NAV1: variants seen among roughly 807,000 people sequenced by gnomAD.
NAV1 encodes the protein neuron navigator 1.
In NAV1, 18 loss-of-function variants were observed where a neutral mutation model predicts 175.2. That is an observed-to-expected ratio of 0.10 (90% CI 0.07 to 0.15). NAV1 has a LOEUF of 0.15. Ranked by LOEUF, NAV1 falls within the 10% of genes least tolerant of loss-of-function variation. The pLI is 1.00. For synonymous variants in NAV1, 897 were observed against 978.7 expected (o/e 0.92, Z 1.56); for missense variants, 1,731 against 2,436.6 (o/e 0.71, Z 6.10).
At chr1:201,735,911 A>G (rs1260329885) in intron 3 of NAV1, among the ~76,000 whole-genome samples, 1 of 152,166 alleles carries the variant, frequency 6.6e-6, no homozygotes, top group Admixed American at 6.5e-5. Flanking sequence ...CAGTATGGAA[A>G]GGGTTAATTC....
At chr1:201,607,107 ATTTTTTTCTTT>A (rs1265005633) in intron 2 of NAV1, among the ~76,000 whole-genome samples, 1 of 144,198 alleles carries the variant, frequency 6.9e-6, no homozygotes, top group African/African-American at 2.6e-5. Context: ...TGGTCAAATA[ATTTTTTTCTTT>A]TTTTTTTTTT....
At chr1:201,761,639 G>T (rs2013468) in intron 3 of NAV1, among the ~76,000 whole-genome samples, 1 of 152,098 alleles carries the variant, frequency 6.6e-6, no homozygotes, top group Admixed American at 6.5e-5. Context: ...GGCCATATAC[G>T]TTCTATATCA....
chr1:201,702,263 G>T lies in NAV1; in HGVS notation c.758-10554G>T, dbSNP rs181784306. 2.0e-4 allele frequency among the ~76,000 whole-genome samples: 31 copies of T among 152,294 alleles called. No individual in the cohort carries two copies. The East Asian group carries it at 5.6e-3, about 27-fold the overall frequency. On this transcript the variant is annotated intron_variant, in intron 1 of 29. Coordinates refer to ENST00000367296, the Ensembl canonical transcript of NAV1. The stretch of plus-strand genomic sequence containing the variant: ...GGGAGTGACTGCTAATGGCCACAGG[G>T]CTTCTTATTGGAATGATAAAAATAG...
intron 16 of NAV1, 40 bp from the exon 21 acceptor site, chr1:201,804,449 T>C (rs1477410359): frequency 2.6e-6 from 4 of 1,534,280 alleles, no homozygotes; most frequent in Non-Finnish European, 3.5e-6. Flanking sequence ...TTTTTTTTTT[T>C]CCTTCAAAAT....
chr1:201,702,729 T>C (rs1041062064), intron 1 of NAV1, among the ~76,000 whole-genome samples: 21 of 132,406 alleles, frequency 1.6e-4, no homozygotes, highest in East Asian at 4.6e-4. Context: ...TCTCTCTCTC[T>C]CTCCCCATTC....
intron 2 of NAV1, among the ~76,000 whole-genome samples, chr1:201,642,382 TTTTGTTTG>T (rs916524922): frequency 2.0e-5 from 3 of 151,562 alleles, no homozygotes; most frequent in Admixed American, 2.0e-4. Flanking sequence ...CCAGCTAATT[TTTTGTTTG>T]TTTGTTTGTT....
At chr1:201,560,272 A>C (rs1666160014) in intron 1 of NAV1, among the ~76,000 whole-genome samples, 1 of 152,192 alleles carries the variant, frequency 6.6e-6, no homozygotes, top group Admixed American at 6.6e-5. Context: ...AGAGTATGGG[A>C]CAGGCTAGAA....
Position 201,813,091 on chromosome 1 carries a change from G to T in NAV1, c.5222-49G>T, listed in dbSNP as rs576195427. 2.2e-6 allele frequency: 3 copies of T among 1,351,900 alleles called. No individual in the cohort carries two copies. The highest frequency in any genetic ancestry group is 4.6e-5 in the East Asian group (2 of 43,630). 83.7% of individuals were successfully genotyped at this position (1,351,900 alleles called of 1,614,324 possible). A position where few individuals can be genotyped will look rare whatever the true frequency, so the allele number is the denominator to read the frequency against. On this transcript the variant is annotated intron_variant, in intron 27 of 29. Transcript: ENST00000367296. This position sits in a 1 kb window ranked among gnomAD's most constrained non-coding sequence, Gnocchi z 4.2. ...AAGGAGTAAAAGAGGCACACAACCG[G>T]GAAGATCTAGGTTCCCAGCCATCTT... is the stretch of plus-strand genomic sequence containing the variant.
intron 3 of NAV1, among the ~76,000 whole-genome samples, chr1:201,756,566 ACT>A (rs998918269): frequency 2.6e-5 from 4 of 152,060 alleles, no homozygotes; most frequent in African/African-American, 9.7e-5. Context: ...AGTAGGGAAG[ACT>A]CTGCAGTCTC....
At chr1:201,561,748 G>T (rs1419171340) in intron 1 of NAV1, among the ~76,000 whole-genome samples, 2 of 152,138 alleles carry the variant, frequency 1.3e-5, no homozygotes, top group Non-Finnish European at 2.9e-5. Context: ...GCTGTGTTTG[G>T]CTGTGTTCCC....
chr1:201,688,710 C>T (rs949387090), intron 1 of NAV1, among the ~76,000 whole-genome samples: 2 of 152,294 alleles, frequency 1.3e-5, no homozygotes, highest in East Asian at 1.9e-4. Flanking sequence ...TAATCTCTAG[C>T]GATGAATTAT....
rs1666354841 is a variant in NAV1, at chr1:201,566,306, C to T, written c.-143-22233C>T. On this transcript the variant is annotated intron_variant, in intron 1 of 33. Transcript: ENST00000685211. ...TCACTTTGGAGGCCTGCTCGAGGCT[C>T]ACCGCCTCCAGGAAGGCTTCCCCCT... Among the ~76,000 whole-genome samples the T allele has an allele frequency of 1.3e-5, 2 of 152,098 alleles. 1 individual carries two copies. Among genetic ancestry groups the T allele is most frequent in the South Asian group, 4.1e-4 (2 of 4,822 alleles).
rs1159596198 is a variant in NAV1 at position 201,608,296 on chromosome 1, G to C, written c.-32-14557G>C. ...CCAAAACTTATAAAAAGTGAATGCT[G>C]TCATTCAGTGTGGCGATGAGAGCTG... is the stretch of plus-strand genomic sequence containing the variant. On this transcript the variant is annotated intron_variant, in intron 2 of 33. Coordinates refer to the NAV1 transcript ENST00000685211. 2.0e-5 allele frequency among the ~76,000 whole-genome samples: 3 copies of C among 152,196 alleles called. No homozygotes were observed. The South Asian group carries it at 6.2e-4, about 32-fold the overall frequency.
chr1:201,627,941 C>T (rs555276362), intron 1 of NAV1, among the ~76,000 whole-genome samples: 1 of 151,714 alleles, frequency 6.6e-6, no homozygotes, highest in South Asian at 2.1e-4. Flanking sequence ...GAGTTCGAGA[C>T]CAGCCTGGGC....
At chr1:201,738,082 A>G (rs1396996134) in intron 3 of NAV1, among the ~76,000 whole-genome samples, 1 of 152,010 alleles carries the variant, frequency 6.6e-6, no homozygotes, top group Non-Finnish European at 1.5e-5. Flanking sequence ...AATGAAATGG[A>G]AGAATATGTG....
At chr1:201,632,539 C>A (rs905286574) in intron 2 of NAV1, among the ~76,000 whole-genome samples, 1 of 152,352 alleles carries the variant, frequency 6.6e-6, no homozygotes, top group South Asian at 2.1e-4. Context: ...CCAAGGCTGA[C>A]GTTACCGCGT....
chr1:201,565,711 T>G (rs1431744927), intron 1 of NAV1, among the ~76,000 whole-genome samples: 1 of 152,164 alleles, frequency 6.6e-6, no homozygotes, highest in Non-Finnish European at 1.5e-5. Flanking sequence ...CCCCTGAGAC[T>G]TGAGGATAAT....
intron 1 of NAV1, among the ~76,000 whole-genome samples, chr1:201,623,946 C>G (rs1166817784): frequency 6.6e-6 from 1 of 152,224 alleles, no homozygotes; most frequent in Non-Finnish European, 1.5e-5. Flanking sequence ...GAAGCTTAAG[C>G]AGCTAGATAC....
chr1:201,548,260 GGGCA>G (rs1665725242), intron 1 of NAV1, among the ~76,000 whole-genome samples: 1 of 152,208 alleles, frequency 6.6e-6, no homozygotes, highest in South Asian at 2.1e-4. Flanking sequence ...TGTGGTTGCT[GGGCA>G]GGCTGTAAAT....
Sources: gnomAD v4.1 joint callset for allele counts (sites outside exome capture counted in the v4.1 genomes callset) on GRCh38, gnomAD v4.1.1 for gene constraint, Gnocchi (gnomAD v3.1) non-coding constraint, MANE v1.5 for transcripts, NCBI Gene and HGNC (gene_info 2026-07-23, HGNC 2026-07-21) for gene names.